XXYLT1: variants seen among roughly 807,000 people sequenced by gnomAD.
XXYLT1 encodes the protein xyloside xylosyltransferase 1, also known as UDP-xylose:alpha-xyloside alpha-1,3-xylosyltransferase.
A neutral mutation model predicts 28.9 loss-of-function variants in XXYLT1; 20 were observed. That is an observed-to-expected ratio of 0.69 (90% confidence interval 0.49 to 1.00). The LOEUF (loss-of-function observed/expected upper bound fraction) is 1.00. XXYLT1 is among the 50% of genes least tolerant of loss of function. The probability of loss-of-function intolerance (pLI) is 0.00; values close to 1 mark genes in which losing one functional copy is unlikely to be tolerated. For missense variants in XXYLT1, 542 were observed against 560.1 expected, an observed-to-expected ratio of 0.97 and a Z score of 0.33; for synonymous variants, 257 against 253.8, an observed-to-expected ratio of 1.01 and a Z score of -0.12.
At chr3:195,250,701 C>T (rs998348415) in intron 1 of XXYLT1, among the ~76,000 whole-genome samples, 3 of 152,098 alleles carry the variant, frequency 2.0e-5, no homozygotes, top group Non-Finnish European at 4.4e-5. Context: ...AGAAATGAAA[C>T]CTAACCTTTT....
chr3:195,182,408 A>G (rs1721996404), intron 2 of XXYLT1, among the ~76,000 whole-genome samples: 1 of 152,222 alleles, frequency 6.6e-6, no homozygotes, highest in African/African-American at 2.4e-5. Flanking sequence ...AGCTTTTACT[A>G]TACAAGAGAC....
rs1361141176 is a variant in XXYLT1, at chr3:195,129,456, T to C, written c.785+26993A>G. On this transcript the variant is annotated intron_variant, in intron 3 of 3. Transcript: ENST00000310380. This position sits in a 1 kb window ranked among gnomAD's most constrained non-coding sequence, Gnocchi z 4.4. ...CCCAAGCAACCATTTTTGCCTCTTC[T>C]GGATATTTCATCTCAATGGACGCAT... Among the ~76,000 whole-genome samples, 3 of 152,230 alleles carry C rather than the reference T, an allele frequency of 2.0e-5. No individual in the cohort carries two copies. Among genetic ancestry groups the C allele is most frequent in the African/African-American group, 4.8e-5 (2 of 41,466 alleles).
At chr3:195,161,162 C>T (rs549324320) in intron 2 of XXYLT1, among the ~76,000 whole-genome samples, 3 of 152,342 alleles carry the variant, frequency 2.0e-5, no homozygotes, top group African/African-American at 7.2e-5. Flanking sequence ...GAACCTCCAT[C>T]ATGTCTCCTC....
chr3:195,072,796 AAGAC>A (rs892166308), intron 3 of XXYLT1, among the ~76,000 whole-genome samples: 2 of 152,160 alleles, frequency 1.3e-5, no homozygotes, highest in African/African-American at 2.4e-5. Context: ...TGAACCCAGA[AAGAC>A]AGAGCAGTCA....
At chr3:195,247,976 C>T (rs1433732755) in intron 1 of XXYLT1, 1 of 543,944 alleles carries the variant, frequency 1.8e-6, no homozygotes, top group Non-Finnish European at 3.3e-6. Flanking sequence ...CCACCAGGCC[C>T]TTCCTCTGAC....
intron 2 of XXYLT1, among the ~76,000 whole-genome samples, chr3:195,161,728 G>A (rs1036115979): frequency 2.0e-5 from 3 of 150,282 alleles, no homozygotes; most frequent in Non-Finnish European, 3.0e-5. Flanking sequence ...TCCGCCTCCC[G>A]GGTTCAAGCA....
In XXYLT1 at chr3:195,210,177, T is replaced by C. The variant is rs1334420636; in HGVS notation, c.652+16532A>G. On this transcript the variant is annotated intron_variant, in intron 2 of 3. Transcript: ENST00000310380. The surrounding 1 kb of genome is among the most constrained non-coding windows in gnomAD (Gnocchi z 4.8). ...AACCTCTCCTCATCCTCCTCAAAGC[T>C]TCCTCTCTGTGCCCTGACAGAACTG... is the stretch of plus-strand genomic sequence containing the variant. Among the ~76,000 whole-genome samples the C allele has an allele frequency of 6.6e-6, 1 of 152,178 alleles. No individual in the cohort carries two copies. Among genetic ancestry groups the C allele is most frequent in the African/African-American group, 2.4e-5 (1 of 41,426 alleles).
chr3:195,137,954 G>A (rs1342974813), intron 3 of XXYLT1, among the ~76,000 whole-genome samples: 2 of 152,200 alleles, frequency 1.3e-5, no homozygotes, highest in Non-Finnish European at 2.9e-5. Context: ...TCTCAAATAT[G>A]CCATGGAAGG....
chr3:195,206,577 T>TAA (rs573800595), intron 2 of XXYLT1, among the ~76,000 whole-genome samples: 4,250 of 152,052 alleles, frequency 0.028, 91 homozygotes, highest in Non-Finnish European at 0.043. Flanking sequence ...AGGACCAGCC[T>TAA]AAGCAACATG....
intron 1 of XXYLT1, among the ~76,000 whole-genome samples, chr3:195,232,462 A>C (rs1194703679): frequency 6.6e-6 from 1 of 151,932 alleles, no homozygotes; most frequent in Non-Finnish European, 1.5e-5. Context: ...TCTAGTTCTA[A>C]GACGCATCAT....
intron 3 of XXYLT1, among the ~76,000 whole-genome samples, chr3:195,142,481 G>A (rs1719543747): frequency 6.6e-6 from 1 of 152,142 alleles, no homozygotes; most frequent in African/African-American, 2.4e-5. Flanking sequence ...TGTATCCTAT[G>A]AGAACCGTAA....
At chr3:195,145,588 C>A (rs2108656694) in intron 3 of XXYLT1, among the ~76,000 whole-genome samples, 1 of 142,452 alleles carries the variant, frequency 7.0e-6, no homozygotes, top group East Asian at 2.0e-4. Flanking sequence ...ATTGATGGGG[C>A]CCTGCGAGCA....
At chr3:195,131,191 A>T (rs994413422) in intron 3 of XXYLT1, among the ~76,000 whole-genome samples, 3 of 152,064 alleles carry the variant, frequency 2.0e-5, no homozygotes, top group Non-Finnish European at 4.4e-5. Context: ...ATTACCCACT[A>T]CCTGACCCCC....
At chr3:195,135,167 G>A (rs1425495657) in intron 3 of XXYLT1, among the ~76,000 whole-genome samples, 1 of 152,200 alleles carries the variant, frequency 6.6e-6, no homozygotes. Flanking sequence ...TGATCCGCTT[G>A]AGACTGACAG....
At chr3:195,164,921 C>T (rs576961286) in intron 2 of XXYLT1, among the ~76,000 whole-genome samples, 1 of 151,786 alleles carries the variant, frequency 6.6e-6, no homozygotes, top group African/African-American at 2.4e-5. Flanking sequence ...AGTGACTAAG[C>T]GGGTTTCTTG....
chr3:195,097,898 G>C (rs1431935105), intron 3 of XXYLT1, among the ~76,000 whole-genome samples: 2 of 150,432 alleles, frequency 1.3e-5, no homozygotes, highest in East Asian at 2.0e-4. Flanking sequence ...AAGAAAAGAT[G>C]AGACTGGTGG....
chr3:195,271,083 G>A lies in XXYLT1; in HGVS notation c.-25C>T, dbSNP rs1486886014. On this transcript the variant is annotated 5_prime_UTR_variant, in exon 1 of 4. Coordinates refer to ENST00000310380, the MANE Select transcript of XXYLT1 (RefSeq NM_152531.5). The stretch of plus-strand genomic sequence containing the variant: ...TGCGCTACGAGACCGCGGCGCCAGC[G>A]GTGCCAGCAACGCGGGAGAGCCCTC... 4.3e-5 allele frequency: 57 copies of A among 1,314,404 alleles called. No individual in the cohort carries two copies. Among genetic ancestry groups the A allele is most frequent in the Non-Finnish European group, 2.3e-5 (24 of 1,035,378 alleles). 81.4% of individuals were successfully genotyped at this position (1,314,404 alleles called of 1,614,324 possible).
At chr3:195,130,324 A>C (rs1718840683) in intron 3 of XXYLT1, among the ~76,000 whole-genome samples, 1 of 152,234 alleles carries the variant, frequency 6.6e-6, no homozygotes, top group South Asian at 2.1e-4. Context: ...GACAGGGACT[A>C]TCTGAATGCA....
chr3:195,214,720 C>A (rs922742800), intron 2 of XXYLT1: 1 of 152,166 alleles, frequency 6.6e-6, no homozygotes, highest in African/African-American at 2.4e-5. Flanking sequence ...CACGCACATC[C>A]CCCTGCAGGA....
Sources: gnomAD v4.1 joint callset for allele counts (sites outside exome capture counted in the v4.1 genomes callset) on GRCh38, gnomAD v4.1.1 for gene constraint, Gnocchi (gnomAD v3.1) non-coding constraint, MANE v1.5 for transcripts, NCBI Gene and HGNC (gene_info 2026-07-23, HGNC 2026-07-21) for gene names.